ACKR2: variants seen among roughly 807,000 people sequenced by gnomAD.
ACKR2 encodes C-C chemokine receptor D6.
For synonymous variants in ACKR2, 207 were observed against 192.2 expected (o/e 1.08, Z -0.64); for missense variants, 457 against 477.3 (o/e 0.96, Z 0.40).
At chr3:42,812,132 C>T (rs1205975532) in intron 1 of ACKR2, among the ~76,000 whole-genome samples, 2 of 152,208 alleles carry the variant, frequency 1.3e-5, no homozygotes, top group African/African-American at 4.8e-5. Context: ...TTTTCTCAGT[C>T]TCTCGTTCCA....
intron 2 of ACKR2, among the ~76,000 whole-genome samples, chr3:42,825,564 C>T (rs1385867409): frequency 7.0e-6 from 1 of 143,616 alleles, no homozygotes; most frequent in Non-Finnish European, 1.5e-5. Flanking sequence ...GCTGAGATAA[C>T]TTGTTAGCTC....
At chr3:42,810,739 C>G (rs1700686968) in intron 1 of ACKR2, among the ~76,000 whole-genome samples, 1 of 152,232 alleles carries the variant, frequency 6.6e-6, no homozygotes, top group Non-Finnish European at 1.5e-5. Context: ...CAAGTGCGCT[C>G]TCATGGCAAC....
At position 42,864,990 on chromosome 3, in the gene ACKR2, T is replaced by A; in HGVS notation, c.488T>A (p.Leu163His). ...HRLRTRAKSLLLATIVWAVSL... is the reference protein window; with the variant it reads ...HRLRTRAKSLHLATIVWAVSL... ...CTGAGGACCCGGGCCAAGAGCCTGC[T>A]CCTTGCTACCATAGTATGGGCTGTG... The change falls in exon 3 of 3, where the codon CTC (leucine) becomes CAC (histidine). Residue 163 changes from leucine to histidine, a missense_variant. Physicochemically the swap from Leu to His is moderately conservative, Grantham distance 99. Coordinates refer to ENST00000422265, the MANE Select transcript of ACKR2 (RefSeq NM_001296.5). 6.2e-7 allele frequency: 1 copy of A among 1,614,184 alleles called. No individual in the cohort carries two copies. Among genetic ancestry groups the A allele is most frequent in the Non-Finnish European group, 8.5e-7 (1 of 1,180,048 alleles).
At chr3:42,854,450 A>G (rs921518433) in intron 2 of ACKR2, among the ~76,000 whole-genome samples, 8 of 152,122 alleles carry the variant, frequency 5.3e-5, no homozygotes, top group African/African-American at 1.9e-4. Context: ...CGGAACCTCA[A>G]CCTTCGAATT....
At chr3:42,856,232 C>G (rs1409453166) in intron 2 of ACKR2, 3 of 580,030 alleles carry the variant, frequency 5.2e-6, no homozygotes, top group Non-Finnish European at 6.1e-6. Flanking sequence ...TAAAGCCACT[C>G]AGGCTGAGCT....
At chr3:42,833,411 T>A (rs1277121954) in intron 2 of ACKR2, among the ~76,000 whole-genome samples, 1 of 152,204 alleles carries the variant, frequency 6.6e-6, no homozygotes, top group Non-Finnish European at 1.5e-5. Flanking sequence ...GAACAGATAG[T>A]GTTTGATTAC....
At chr3:42,858,395 C>A (rs1453416600) in intron 2 of ACKR2, among the ~76,000 whole-genome samples, 1 of 152,130 alleles carries the variant, frequency 6.6e-6, no homozygotes, top group African/African-American at 2.4e-5. Context: ...CTGGAGTGGA[C>A]CTCCAGCAAA....
At chr3:42,853,215 C>T (rs192887856) in intron 2 of ACKR2, among the ~76,000 whole-genome samples, 44 of 152,248 alleles carry the variant, frequency 2.9e-4, no homozygotes, top group African/African-American at 1.1e-3. Context: ...GCTGAACTCC[C>T]AGTGTGTGAT....
chr3:42,822,343 C>T (rs1700816763), intron 2 of ACKR2, among the ~76,000 whole-genome samples: 1 of 151,928 alleles, frequency 6.6e-6, no homozygotes, highest in Non-Finnish European at 1.5e-5. Context: ...TTTTTAAAAC[C>T]TTTCACATCC....
intron 2 of ACKR2, among the ~76,000 whole-genome samples, chr3:42,863,801 T>C (rs555778183): frequency 2.0e-4 from 30 of 151,870 alleles, no homozygotes; most frequent in Non-Finnish European, 4.4e-4. Flanking sequence ...TAAGTGGGAG[T>C]TGAACAATGA....
At chr3:42,826,129 G>T (rs905439122) in intron 2 of ACKR2, among the ~76,000 whole-genome samples, 5 of 151,972 alleles carry the variant, frequency 3.3e-5, no homozygotes, top group Admixed American at 6.6e-5. Context: ...ATCTGTAGTT[G>T]GATTTGGGTT....
At chr3:42,828,074 T>TTATTTATA (rs1700887501) in intron 2 of ACKR2, among the ~76,000 whole-genome samples, 1 of 122,518 alleles carries the variant, frequency 8.2e-6, no homozygotes, top group Non-Finnish European at 1.7e-5. Context: ...GATGCTTGCA[T>TTATTTATA]TATATATATA....
chr3:42,846,199 C>A (rs1289726631), intron 2 of ACKR2, among the ~76,000 whole-genome samples: 1 of 152,156 alleles, frequency 6.6e-6, no homozygotes, highest in Admixed American at 6.5e-5. Context: ...CCCCTAGTGC[C>A]CTGTCTGGAA....
chr3:42,838,218 G>A (rs866776154), intron 2 of ACKR2, among the ~76,000 whole-genome samples: 17 of 152,270 alleles, frequency 1.1e-4, no homozygotes, highest in South Asian at 8.3e-4. Context: ...TTAAGAATGT[G>A]TGCTCTTCAA....
rs752550350 is a variant in ACKR2, at chr3:42,865,151, C to T, written c.649C>T (p.Leu217=). 19 of 1,613,820 alleles carry T rather than the reference C, an allele frequency of 1.2e-5. No homozygotes were observed. Among genetic ancestry groups the T allele is most frequent in the South Asian group, 2.2e-5 (2 of 91,080 alleles). ...KLFLRFQQNL[L]GFLLPLLAMI... is the part of the protein sequence containing the mutation. ...CTTCCTCCGCTTCCAGCAGAACCTCCTAGGGTTTCTCCTTCCACTCCTTGC... is the reference window on the plus strand; with the variant it reads ...CTTCCTCCGCTTCCAGCAGAACCTCTTAGGGTTTCTCCTTCCACTCCTTGC... Residue 217 remains leucine, a synonymous_variant, in exon 3 of 3, where the codon CTA becomes TTA. Coordinates refer to ENST00000422265, the MANE Select transcript of ACKR2 (RefSeq NM_001296.5).
At chr3:42,817,552 C>T (rs1700765389) in intron 1 of ACKR2, among the ~76,000 whole-genome samples, 1 of 152,170 alleles carries the variant, frequency 6.6e-6, no homozygotes. Flanking sequence ...TGCTCTCTCA[C>T]CTGTAATTTC....
In ACKR2 at chr3:42,852,438, A is replaced by C. The variant is rs1422684109; in HGVS notation, c.-37-12028A>C. 1 of 152,232 alleles carries C rather than the reference A, an allele frequency of 6.6e-6. No individual in the cohort carries two copies. Among genetic ancestry groups the C allele is most frequent in the East Asian group, 1.9e-4 (1 of 5,204 alleles). 9.4% of individuals were successfully genotyped at this position (152,232 alleles called of 1,614,324 possible). A position where few individuals can be genotyped will look rare whatever the true frequency, so the allele number is the denominator to read the frequency against. ...AAGTGCTTACTTTTTGTTAGCTGAAATAAGTTTTGGGAGGAGGGTTACTCT... is the reference window on the plus strand; with the variant it reads ...AAGTGCTTACTTTTTGTTAGCTGAACTAAGTTTTGGGAGGAGGGTTACTCT... On this transcript the variant is annotated intron_variant, in intron 2 of 2. Coordinates refer to ENST00000422265, the MANE Select transcript of ACKR2 (RefSeq NM_001296.5). This position sits in a 1 kb window ranked among gnomAD's most constrained non-coding sequence, Gnocchi z 4.3.
intron 2 of ACKR2, among the ~76,000 whole-genome samples, chr3:42,822,515 G>A (rs1183159638): frequency 6.6e-6 from 1 of 151,992 alleles, no homozygotes; most frequent in Non-Finnish European, 1.5e-5. Flanking sequence ...CAACTTCCCA[G>A]GGCCCACTAA....
chr3:42,866,643 G>A lies in ACKR2; in HGVS notation c.*986G>A, dbSNP rs114860534. The A allele has an allele frequency of 0.035, 5,817 of 166,862 alleles. 186 individuals are homozygous for A. The highest frequency in any genetic ancestry group is 0.084 in the African/African-American group (3,459 of 41,384). The allele number at this position is 166,862 out of a possible 1,614,324, so 10.3% of individuals were successfully genotyped here. ...CCTGATACTCTCGGCCTTTACTTCC[G>A]CCTCCCTCAGAGCAGCAGCCTGTCA... On this transcript the variant is annotated 3_prime_UTR_variant, in exon 3 of 3. Coordinates refer to ENST00000422265, the MANE Select transcript of ACKR2 (RefSeq NM_001296.5).
Sources: gnomAD v4.1 joint callset for allele counts (sites outside exome capture counted in the v4.1 genomes callset) on GRCh38, gnomAD v4.1.1 for gene constraint, Gnocchi (gnomAD v3.1) non-coding constraint, MANE v1.5 for transcripts, NCBI Gene and HGNC (gene_info 2026-07-23, HGNC 2026-07-21) for gene names.